MYPN: variants seen among roughly 807,000 people sequenced by gnomAD.
The protein encoded by MYPN is sarcomeric protein myopalladin, 145 kDa (MYOP).
A neutral mutation model predicts 129.4 loss-of-function variants in MYPN; 63 were observed. The observed-to-expected ratio is 0.49, with a 90% CI of 0.40 to 0.60. The LOEUF is 0.60. Ranked by LOEUF, MYPN falls within the 20% of genes least tolerant of loss-of-function variation. MYPN has a pLI of 0.00. For synonymous variants in MYPN, 629 were observed against 600.9 expected (o/e 1.05, Z -0.68); for missense variants, 1,596 against 1,635.4 (o/e 0.98, Z 0.42).
intron 1 of MYPN, among the ~76,000 whole-genome samples, chr10:68,094,175 C>A (rs2041944409): frequency 6.6e-6 from 1 of 152,116 alleles, no homozygotes; most frequent in Non-Finnish European, 1.5e-5. Context: ...TGAAACCAAT[C>A]CTGCCCGCCT....
intron 12 of MYPN, 138 bp downstream of exon 12, chr10:68,175,599 A>T: frequency 2.1e-6 from 2 of 942,454 alleles, no homozygotes; most frequent in Non-Finnish European, 3.4e-6. Flanking sequence ...AGACTAACCA[A>T]AGGTCATGTG....
chr10:68,164,462 G>C (rs1435110059), intron 8 of MYPN, among the ~76,000 whole-genome samples: 1 of 152,150 alleles, frequency 6.6e-6, no homozygotes, highest in South Asian at 2.1e-4. Flanking sequence ...AGCATTGGGG[G>C]ACATGTTCAA....
At chr10:68,092,627 A>G (rs2041936373) in intron 1 of MYPN, among the ~76,000 whole-genome samples, 1 of 152,166 alleles carries the variant, frequency 6.6e-6, no homozygotes, top group Non-Finnish European at 1.5e-5. Flanking sequence ...ATTATTCATG[A>G]TATGTTGATT....
intron 6 of MYPN, among the ~76,000 whole-genome samples, chr10:68,154,270 C>A (rs1335928486): frequency 2.6e-5 from 4 of 152,232 alleles, no homozygotes; most frequent in Non-Finnish European, 4.4e-5. Context: ...AAATTAGAAT[C>A]TTACTCCTAT....
In MYPN at chr10:68,121,969, C is replaced by T; in HGVS notation, c.531C>T (p.Ala177=). 1 of 1,614,198 alleles carries T rather than the reference C, an allele frequency of 6.2e-7. No homozygotes were observed. The highest frequency in any genetic ancestry group is 1.3e-5 in the African/African-American group (1 of 75,044). ...GCTCCAAAAGGATTAGACCTCGTGC[C>T]TGCAAAAACCACAAGAGTAAACTGG... The part of the protein sequence containing the change: ...SHSSKRIRPR[A]CKNHKSKLES... The change falls in exon 2 of 20, where the codon GCC becomes GCT. Residue 177 remains alanine (A), a synonymous_variant. Transcript: ENST00000358913.
chr10:68,138,349 G>A (rs187243336), intron 2 of MYPN, among the ~76,000 whole-genome samples: 1 of 151,540 alleles, frequency 6.6e-6, no homozygotes, highest in African/African-American at 2.4e-5. Flanking sequence ...TGATCCACCC[G>A]CCTCAGCCTC....
intron 13 of MYPN, among the ~76,000 whole-genome samples, chr10:68,189,742 C>A (rs912550901): frequency 3.3e-5 from 5 of 152,144 alleles, no homozygotes; most frequent in Admixed American, 6.5e-5. Context: ...TGTATAGATA[C>A]CCCATTTTCT....
At chr10:68,141,142 G>A (rs760291636) in intron 2 of MYPN, among the ~76,000 whole-genome samples, 18 of 152,294 alleles carry the variant, frequency 1.2e-4, no homozygotes, top group Middle Eastern at 3.4e-3. Flanking sequence ...AGGACAAGGC[G>A]GGTGGATCAC....
intron 1 of MYPN, among the ~76,000 whole-genome samples, chr10:68,119,113 C>T (rs2042202162): frequency 6.6e-6 from 1 of 152,010 alleles, no homozygotes; most frequent in African/African-American, 2.4e-5. Flanking sequence ...CATTTTGCAC[C>T]TTATTTCATA....
intron 2 of MYPN, among the ~76,000 whole-genome samples, chr10:68,133,103 G>C (rs1186987778): frequency 7.1e-6 from 1 of 140,386 alleles, no homozygotes; most frequent in Non-Finnish European, 1.5e-5. Flanking sequence ...TCGACTCACT[G>C]TAACCACCAC....
At chr10:68,102,102 C>T (rs940568074), upstream of MYPN, among the ~76,000 whole-genome samples, 2 of 146,456 alleles carry the variant, frequency 1.4e-5, no homozygotes, top group Admixed American at 1.4e-4. Context: ...CAGCAATTTT[C>T]AGGGATCTAT....
At position 68,201,651 on chromosome 10, in the gene MYPN, C is replaced by T. The variant is rs2490937; in HGVS notation, c.3494-178C>T. 1 allele frequency among the ~76,000 whole-genome samples: 151,887 copies of T among 151,894 alleles called. 75,940 individuals carry two copies. Among genetic ancestry groups the T allele is most frequent in the Middle Eastern group, 1 (290 of 290 alleles). The stretch of plus-strand genomic sequence containing the variant: ...GGCTTGGCGGTGCACGCCTGTAATC[C>T]CAGCTACTCGGGAGACTGAGGCAGG... On this transcript the variant is annotated intron_variant, in intron 17 of 19. Transcript: ENST00000358913.
In MYPN at chr10:68,148,642, T is replaced by C. The variant is rs192999258; in HGVS notation, c.1245+175T>C. Among the ~76,000 whole-genome samples the C allele has an allele frequency of 7.2e-5, 11 of 152,360 alleles. No homozygotes were observed. In the East Asian group the frequency reaches 2.1e-3, roughly 29 times the overall value. On this transcript the variant is annotated intron_variant, in intron 5 of 19. Coordinates refer to ENST00000358913, the MANE Select transcript of MYPN (RefSeq NM_032578.4). ...TGGTTCCTGTTGCTTTGGGAACATA[T>C]TCTCGGGCTTCAATAGGCAAATTTC...
chr10:68,187,588 A>C (rs980623967), intron 12 of MYPN, among the ~76,000 whole-genome samples: 1 of 152,190 alleles, frequency 6.6e-6, no homozygotes, highest in Non-Finnish European at 1.5e-5. Context: ...GAAATCAAGC[A>C]TGTGCTGTTT....
At chr10:68,116,941 C>T (rs567568471) in intron 1 of MYPN, among the ~76,000 whole-genome samples, 1 of 152,036 alleles carries the variant, frequency 6.6e-6, no homozygotes, top group African/African-American at 2.4e-5. Context: ...AAAGATAGGC[C>T]GGACATGGTG....
intron 15 of MYPN, among the ~76,000 whole-genome samples, chr10:68,196,852 G>A (rs1427379639): frequency 6.6e-6 from 1 of 151,732 alleles, no homozygotes; most frequent in Non-Finnish European, 1.5e-5. Flanking sequence ...TGTTACCGTT[G>A]GTCAGTCTTA....
chr10:68,177,569 T>C (rs190003218), intron 12 of MYPN, among the ~76,000 whole-genome samples: 2 of 152,296 alleles, frequency 1.3e-5, no homozygotes, highest in Admixed American at 1.3e-4. Flanking sequence ...ATTGCTGTCT[T>C]CGGAAATGAT....
Position 68,182,424 on chromosome 10 carries a change from A to G in MYPN, c.2704-6481A>G, listed in dbSNP as rs980699528. On this transcript the variant is annotated intron_variant, in intron 12 of 19. Transcript: ENST00000358913. ...TATAACACATATATATAACATATAT[A>G]TAACACATATATATAACATATATAT... 7.1e-5 allele frequency among the ~76,000 whole-genome samples: 7 copies of G among 98,490 alleles called. 1 individual carries two copies. The highest frequency in any genetic ancestry group is 1.9e-4 in the African/African-American group (7 of 36,120). 64.6% of individuals were successfully genotyped at this position (98,490 alleles called of 152,430 possible).
intron 1 of MYPN, among the ~76,000 whole-genome samples, chr10:68,111,546 T>C (rs1460063604): frequency 1.3e-5 from 2 of 152,218 alleles, no homozygotes; most frequent in Non-Finnish European, 2.9e-5. Context: ...TGCTTCATGG[T>C]TGACCAAATG....
Sources: allele counts gnomAD v4.1 joint callset (sites outside exome capture counted in the v4.1 genomes callset), GRCh38; gene constraint gnomAD v4.1.1; transcripts MANE v1.5; gene names NCBI Gene and HGNC (gene_info 2026-07-23, HGNC 2026-07-21).